COLEC10: variants seen among roughly 807,000 people sequenced by gnomAD.
COLEC10 encodes collectin subfamily member 10.
COLEC10 carries 22 observed loss-of-function variants against 28.4 expected under a neutral mutation model. That is an observed-to-expected ratio of 0.78 (90% CI 0.55 to 1.11). The LOEUF is 1.11. Among genes scored for constraint, COLEC10 ranks in the 50% least tolerant of loss-of-function variants. The pLI is 0.00. For synonymous variants in COLEC10, 125 were observed against 116.1 expected, an observed-to-expected ratio of 1.08 and a Z score of -0.49; for missense variants, 361 against 344.1, an observed-to-expected ratio of 1.05 and a Z score of -0.39.
At chr8:119,022,878 C>A (rs1814123522) in intron 2 of COLEC10, among the ~76,000 whole-genome samples, 1 of 152,092 alleles carries the variant, frequency 6.6e-6, no homozygotes, top group Non-Finnish European at 1.5e-5. Context: ...GCCCTCCATA[C>A]CCCAGTTTTC....
At chr8:119,086,766 CA>C (rs1815488795) in intron 1 of COLEC10, among the ~76,000 whole-genome samples, 1 of 152,188 alleles carries the variant, frequency 6.6e-6, no homozygotes, top group African/African-American at 2.4e-5. Context: ...TTTTGATTCT[CA>C]AAGGGCTTCA....
the COLEC10 span, among the ~76,000 whole-genome samples, chr8:118,975,912 C>A: frequency 6.6e-6 from 1 of 152,162 alleles, no homozygotes; most frequent in East Asian, 1.9e-4. Context: ...GTCCTTCTAT[C>A]TTTGTCAGGT....
chr8:119,091,849 G>A (rs1477149427), intron 3 of COLEC10, among the ~76,000 whole-genome samples: 1 of 152,108 alleles, frequency 6.6e-6, no homozygotes, highest in South Asian at 2.1e-4. Context: ...TAGTCTTTAT[G>A]TTGAATTATC....
the COLEC10 span, among the ~76,000 whole-genome samples, chr8:118,960,425 T>C: frequency 9.9e-5 from 15 of 152,202 alleles, no homozygotes; most frequent in Non-Finnish European, 1.8e-4. Flanking sequence ...TTTGTCCTGA[T>C]AGCAAGGTTA....
rs1409999927 is a variant in COLEC10 at position 119,107,426 on chromosome 8, T to C, written c.*1235T>C. Among the ~76,000 whole-genome samples the C allele has an allele frequency of 2.6e-5, 4 of 152,196 alleles. No homozygotes were observed. The highest frequency in any genetic ancestry group is 1.5e-5 in the Non-Finnish European group (1 of 68,018). On this transcript the variant is annotated 3_prime_UTR_variant, in exon 6 of 6. Transcript: ENST00000332843. ...AATTTAAAAATAAACAGTTCAAAGATACTCTAGATTATCACCCTATAAACT... is the reference window on the plus strand; with the variant it reads ...AATTTAAAAATAAACAGTTCAAAGACACTCTAGATTATCACCCTATAAACT...
At chr8:119,076,403 A>G (rs1343257595) in intron 1 of COLEC10, among the ~76,000 whole-genome samples, 1 of 151,942 alleles carries the variant, frequency 6.6e-6, no homozygotes, top group African/African-American at 2.4e-5. Flanking sequence ...CTGGGATTAC[A>G]GACACCTGCC....
intron 1 of COLEC10, among the ~76,000 whole-genome samples, chr8:119,007,712 G>C (rs1434722722): frequency 6.6e-6 from 1 of 150,936 alleles, no homozygotes; most frequent in Non-Finnish European, 1.5e-5. Flanking sequence ...TGAATCTCCT[G>C]TTTCCCATAC....
chr8:118,976,281 C>T, the COLEC10 span, among the ~76,000 whole-genome samples: 2 of 151,986 alleles, frequency 1.3e-5, no homozygotes, highest in Admixed American at 1.3e-4. Context: ...GTAGTTTACA[C>T]AAAATACATA....
At chr8:118,955,598 T>G in the COLEC10 span, among the ~76,000 whole-genome samples, 3 of 152,144 alleles carry the variant, frequency 2.0e-5, no homozygotes, top group Non-Finnish European at 4.4e-5. Context: ...AAGAAATAAG[T>G]GGCAATAGAA....
the COLEC10 span, among the ~76,000 whole-genome samples, chr8:118,971,849 T>G: frequency 6.6e-6 from 1 of 151,974 alleles, no homozygotes; most frequent in African/African-American, 2.4e-5. Context: ...TGCTAACTAT[T>G]TGATCCCAGT....
At chr8:119,025,401 G>A (rs1053160810) in intron 2 of COLEC10, among the ~76,000 whole-genome samples, 8 of 152,168 alleles carry the variant, frequency 5.3e-5, no homozygotes, top group Non-Finnish European at 1.0e-4. Flanking sequence ...TTCAGAAATG[G>A]ATTCTGTGCT....
At chr8:119,029,926 T>C (rs189663027) in intron 2 of COLEC10, among the ~76,000 whole-genome samples, 8 of 152,324 alleles carry the variant, frequency 5.3e-5, no homozygotes, top group Admixed American at 1.3e-4. Flanking sequence ...CCTACTGTTA[T>C]TATGTCTCAA....
chr8:118,999,443 T>C (rs1813649500), intron 1 of COLEC10, among the ~76,000 whole-genome samples: 1 of 151,880 alleles, frequency 6.6e-6, no homozygotes, highest in African/African-American at 2.4e-5. Context: ...ATACAAAAAT[T>C]AGCCAGGCAT....
chr8:119,020,286 T>C (rs7813486), intron 2 of COLEC10, among the ~76,000 whole-genome samples: 88,775 of 151,948 alleles, frequency 0.58, 26,635 homozygotes, highest in African/African-American at 0.72. Context: ...AAATAGAACA[T>C]CTATTCATTT....
chr8:118,956,447 G>T, the COLEC10 span, among the ~76,000 whole-genome samples: 3 of 152,298 alleles, frequency 2.0e-5, no homozygotes, highest in East Asian at 5.8e-4. Context: ...GGGTAGGGAA[G>T]TTGGGAAATA....
chr8:119,051,449 T>C (rs963985727), intron 2 of COLEC10, among the ~76,000 whole-genome samples: 1 of 152,204 alleles, frequency 6.6e-6, no homozygotes, highest in Non-Finnish European at 1.5e-5. Context: ...AGATAATTTA[T>C]CTATTGAAAA....
intron 1 of COLEC10, among the ~76,000 whole-genome samples, chr8:119,073,589 A>G (rs906108252): frequency 6.6e-6 from 1 of 152,074 alleles, no homozygotes; most frequent in African/African-American, 2.4e-5. Context: ...ATTTCAGTGT[A>G]TCGATACTTA....
chr8:119,069,605 CAAAAAAAAAAAA>C (rs138362458), intron 1 of COLEC10, among the ~76,000 whole-genome samples: 1 of 8,802 alleles, frequency 1.1e-4, no homozygotes, highest in Non-Finnish European at 2.9e-4. Flanking sequence ...GACCCCATCT[CAAAAAAAAAAAA>C]AAAAAAAAAA....
chr8:119,093,017 T>C (rs1489258417), intron 3 of COLEC10, among the ~76,000 whole-genome samples: 2 of 152,102 alleles, frequency 1.3e-5, no homozygotes, highest in Non-Finnish European at 1.5e-5. Flanking sequence ...TCTTGAAGAA[T>C]AGTAACATTA....
Sources: gnomAD v4.1 joint callset for allele counts (sites outside exome capture counted in the v4.1 genomes callset) on GRCh38, gnomAD v4.1.1 for gene constraint, MANE v1.5 for transcripts, NCBI Gene and HGNC (gene_info 2026-07-23, HGNC 2026-07-21) for gene names.